Variants in CASR observed in about 807,000 individuals in gnomAD.
CASR encodes the protein calcium sensing receptor.
A neutral mutation model predicts 69.1 loss-of-function variants in CASR; 23 were observed. The ratio of observed to expected loss-of-function variants is 0.33; its 90% CI spans 0.24 to 0.47. The LOEUF is 0.47. Ranked by LOEUF, CASR falls within the 20% of genes least tolerant of loss-of-function variation. The pLI is 1.00. For missense variants in CASR, 924 were observed against 1,356.1 expected (o/e 0.68, Z 5.00); for synonymous variants, 541 against 544.7 (o/e 0.99, Z 0.10).
At position 122,290,884 on chromosome 3, in the gene CASR, C is replaced by A; in HGVS notation, c.*5693C>A. 1 of 118,846 alleles carries A rather than the reference C, an allele frequency of 8.4e-6. No individual in the cohort carries two copies. The highest frequency in any genetic ancestry group is 1.7e-5 in the Non-Finnish European group (1 of 59,842). 7.4% of individuals were successfully genotyped at this position (118,846 alleles called of 1,614,324 possible). ...CCTAATGCTATCCCTCCCCCCTCCC[C>A]CCACCCCACAATAGGCCCTGGTGTG... On this transcript the variant is annotated 3_prime_UTR_variant, in exon 7 of 7. Coordinates refer to ENST00000639785, the MANE Select transcript of CASR (RefSeq NM_000388.4).
intron 4 of CASR, among the ~76,000 whole-genome samples, chr3:122,272,771 A>G (rs1023812924): frequency 6.6e-6 from 1 of 152,216 alleles, no homozygotes; most frequent in Non-Finnish European, 1.5e-5. Context: ...TTCCTGGTTG[A>G]TTGATTCCAA....
intron 1 of CASR, among the ~76,000 whole-genome samples, chr3:122,205,875 C>T (rs1485635545): frequency 1.3e-5 from 2 of 151,672 alleles, no homozygotes; most frequent in East Asian, 3.9e-4. Context: ...AGATTGTTCA[C>T]TGGTGGTGTA....
chr3:122,204,699 A>G (rs1380005935), intron 1 of CASR, among the ~76,000 whole-genome samples: 1 of 152,162 alleles, frequency 6.6e-6, no homozygotes, highest in Admixed American at 6.5e-5. Flanking sequence ...CCAACAGTGT[A>G]TGAAGGTTCC....
chr3:122,238,245 T>C (rs13320522), intron 1 of CASR, among the ~76,000 whole-genome samples: 3,286 of 152,170 alleles, frequency 0.022, 112 homozygotes, highest in African/African-American at 0.074. Flanking sequence ...TCTGTGCATT[T>C]TGGGGAAGGA....
At chr3:122,259,939 G>A (rs1218130182) in intron 3 of CASR, among the ~76,000 whole-genome samples, 1 of 152,162 alleles carries the variant, frequency 6.6e-6, no homozygotes, top group East Asian at 1.9e-4. Flanking sequence ...AAATACCTTT[G>A]ACTTGTTTTC....
chr3:122,226,147 G>A (rs929675626), intron 1 of CASR, among the ~76,000 whole-genome samples: 4 of 152,158 alleles, frequency 2.6e-5, no homozygotes, highest in Admixed American at 1.3e-4. Context: ...ATGAAGCCAC[G>A]GACCCTCACG....
At chr3:122,226,550 GCC>G (rs1256260888) in intron 1 of CASR, among the ~76,000 whole-genome samples, 2 of 152,108 alleles carry the variant, frequency 1.3e-5, no homozygotes, top group East Asian at 3.8e-4. Flanking sequence ...CTCTTATCTG[GCC>G]CCACCCACAT....
intron 4 of CASR, among the ~76,000 whole-genome samples, chr3:122,264,958 C>A (rs36060529): frequency 6.6e-6 from 1 of 152,054 alleles, no homozygotes; most frequent in Non-Finnish European, 1.5e-5. Context: ...CTCAGTTCTT[C>A]CCCTATAAGC....
At chr3:122,257,609 G>T in intron 3 of CASR, 1 of 515,634 alleles carries the variant, frequency 1.9e-6, no homozygotes, top group Non-Finnish European at 3.4e-6. Flanking sequence ...TCTTTTAAAT[G>T]TACCTTGCAT....
chr3:122,225,837 T>A (rs1341878251), intron 1 of CASR, among the ~76,000 whole-genome samples: 5 of 152,148 alleles, frequency 3.3e-5, no homozygotes, highest in Non-Finnish European at 4.4e-5. Flanking sequence ...TGCCCATCAG[T>A]GGTGGACTGG....
At chr3:122,282,811 C>T (rs1306415079) in intron 6 of CASR, among the ~76,000 whole-genome samples, 2 of 152,288 alleles carry the variant, frequency 1.3e-5, no homozygotes, top group African/African-American at 4.8e-5. Context: ...TCATGTTATC[C>T]TCACCCCAGT....
chr3:122,215,079 A>G lies in CASR; in HGVS notation c.-243+31267A>G, dbSNP rs142478959. Among the ~76,000 whole-genome samples the G allele has an allele frequency of 9.4e-3, 1,243 of 132,238 alleles. 7 individuals carry two copies. Among genetic ancestry groups the G allele is most frequent in the Non-Finnish European group, 0.015 (889 of 61,136 alleles). The allele number at this position is 132,238 out of a possible 152,430, so 86.8% of individuals were successfully genotyped here. ...CATCTCGAACATAACTGCCTCTAGC[A>G]TCTTGAATAACAGACGGAGAAAGTC... On this transcript the variant is annotated intron_variant, in intron 1 of 6. Coordinates refer to ENST00000639785, the MANE Select transcript of CASR (RefSeq NM_000388.4).
chr3:122,282,474 A>G (rs544189230), intron 6 of CASR, among the ~76,000 whole-genome samples: 1 of 152,358 alleles, frequency 6.6e-6, no homozygotes, highest in Non-Finnish European at 1.5e-5. Flanking sequence ...CTCTTACTTC[A>G]TATTGTCGGC....
chr3:122,210,653 G>A (rs1057052675), intron 1 of CASR, among the ~76,000 whole-genome samples: 3 of 152,248 alleles, frequency 2.0e-5, no homozygotes, highest in African/African-American at 7.2e-5. Flanking sequence ...CATGAAAATG[G>A]CCTTACTGCA....
chr3:122,199,774 A>G (rs2073924197), intron 1 of CASR, among the ~76,000 whole-genome samples: 1 of 152,216 alleles, frequency 6.6e-6, no homozygotes, highest in Non-Finnish European at 1.5e-5. Context: ...GTTAAGGTAT[A>G]CAAAATTACA....
At chr3:122,206,589 G>A (rs572632284) in intron 1 of CASR, among the ~76,000 whole-genome samples, 3 of 151,872 alleles carry the variant, frequency 2.0e-5, no homozygotes, top group South Asian at 4.2e-4. Flanking sequence ...CGCTGACCTC[G>A]AACAATGAGT....
At chr3:122,216,320 A>G (rs1288294608) in intron 1 of CASR, among the ~76,000 whole-genome samples, 3 of 152,140 alleles carry the variant, frequency 2.0e-5, no homozygotes, top group Non-Finnish European at 4.4e-5. Flanking sequence ...CTTTTCCAGT[A>G]CTTGATCATG....
At chr3:122,244,230 C>A (rs185637636) in intron 1 of CASR, among the ~76,000 whole-genome samples, 3 of 151,594 alleles carry the variant, frequency 2.0e-5, no homozygotes, top group Non-Finnish European at 1.5e-5. Flanking sequence ...GGATGGATAC[C>A]CCATTTACCA....
intron 5 of CASR, among the ~76,000 whole-genome samples, chr3:122,278,494 C>A (rs2074849012): frequency 6.6e-6 from 1 of 152,144 alleles, no homozygotes; most frequent in African/African-American, 2.4e-5. Context: ...AAAGAGACAC[C>A]TTAATTAGGG....
Sources: allele counts gnomAD v4.1 joint callset (sites outside exome capture counted in the v4.1 genomes callset), GRCh38; gene constraint gnomAD v4.1.1; transcripts MANE v1.5; gene names NCBI Gene and HGNC (gene_info 2026-07-23, HGNC 2026-07-21).